CELF2: variants seen among roughly 807,000 people sequenced by gnomAD.
CELF2 encodes the protein CUG triplet repeat RNA-binding protein 2.
In CELF2, 8 loss-of-function variants were observed where a neutral mutation model predicts 62.6. The observed-to-expected ratio is 0.13, with a 90% CI of 0.07 to 0.23. The LOEUF (loss-of-function observed/expected upper bound fraction) is 0.23, where lower values mean the gene tolerates loss of function less well. Ranked by LOEUF, CELF2 falls within the 10% of genes least tolerant of loss-of-function variation. The pLI is 1.00. For missense variants in CELF2, 333 were observed against 671.0 expected, an observed-to-expected ratio of 0.50 and a Z score of 5.56; for synonymous variants, 258 against 250.0, an observed-to-expected ratio of 1.03 and a Z score of -0.30.
chr10:10,715,073 C>G, the CELF2 span, among the ~76,000 whole-genome samples: 4 of 152,050 alleles, frequency 2.6e-5, no homozygotes, highest in Non-Finnish European at 5.9e-5. Context: ...CAGCCATAAC[C>G]AATTGAAGAG....
At chr10:10,468,498 G>A in the CELF2 span, among the ~76,000 whole-genome samples, 1 of 152,100 alleles carries the variant, frequency 6.6e-6, no homozygotes, top group Admixed American at 6.6e-5. Flanking sequence ...TGAAAGCACT[G>A]CTGTTGATTG....
the CELF2 span, among the ~76,000 whole-genome samples, chr10:10,590,525 G>A: frequency 6.6e-6 from 1 of 152,084 alleles, no homozygotes; most frequent in African/African-American, 2.4e-5. Context: ...AATCACACTG[G>A]CTATTCTACC....
rs532569130 is a variant in CELF2, at chr10:11,268,362, T to C, written c.618+1685T>C. On this transcript the variant is annotated intron_variant, in intron 6 of 12. Transcript: ENST00000633077. The surrounding 1 kb of genome is among the most constrained non-coding windows in gnomAD (Gnocchi z 4.7). Reference sequence around the variant, plus strand: ...ATAATTTTGAACCTCAATTCTTCAGTGTTTCTGTTAGAAACATTACGATCC... The same window carrying C: ...ATAATTTTGAACCTCAATTCTTCAGCGTTTCTGTTAGAAACATTACGATCC... Among the ~76,000 whole-genome samples the C allele has an allele frequency of 5.3e-5, 8 of 152,356 alleles. 1 individual carries two copies. In the East Asian group the frequency reaches 1.5e-3, roughly 29 times the overall value.
chr10:11,159,606 A>G lies in CELF2; in HGVS notation c.75-5880A>G, dbSNP rs940064486. ...CTGAGACCTTAGTTGCCCCACTGCC[A>G]GTCTGTTGGGAAGAGATTTCTCTTC... On this transcript the variant is annotated intron_variant, in intron 1 of 12. Coordinates refer to ENST00000633077, the MANE Select transcript of CELF2 (RefSeq NM_001326342.2). The surrounding 1 kb of genome is among the most constrained non-coding windows in gnomAD (Gnocchi z 5.0). Among the ~76,000 whole-genome samples the G allele has an allele frequency of 2.6e-5, 4 of 152,214 alleles. No homozygotes were observed. Among genetic ancestry groups the G allele is most frequent in the Non-Finnish European group, 5.9e-5 (4 of 68,038 alleles).
At chr10:10,790,876 G>T in the CELF2 span, among the ~76,000 whole-genome samples, 7 of 152,012 alleles carry the variant, frequency 4.6e-5, no homozygotes, top group Admixed American at 4.6e-4. Context: ...TTTCTGTAAG[G>T]AATTCAGTAG....
At chr10:10,598,234 A>C in the CELF2 span, among the ~76,000 whole-genome samples, 1 of 152,230 alleles carries the variant, frequency 6.6e-6, no homozygotes, top group Non-Finnish European at 1.5e-5. Flanking sequence ...TGTGTTCTAG[A>C]AACTCAGGTA....
rs2065188481 is a variant in CELF2 at position 11,159,359 on chromosome 10, C to T, written c.75-6127C>T. Among the ~76,000 whole-genome samples the T allele has an allele frequency of 6.6e-6, 1 of 152,200 alleles. No homozygotes were observed. Among genetic ancestry groups the T allele is most frequent in the African/African-American group, 2.4e-5 (1 of 41,450 alleles). Reference sequence around the variant, plus strand: ...AGAAAGGTGGCAAACTCTGCCCTGCCGAAAGGCAGTCATGGAAGACAGACG... The same window carrying T: ...AGAAAGGTGGCAAACTCTGCCCTGCTGAAAGGCAGTCATGGAAGACAGACG... On this transcript the variant is annotated intron_variant, in intron 1 of 12. Transcript: ENST00000633077. This position sits in a 1 kb window ranked among gnomAD's most constrained non-coding sequence, Gnocchi z 5.0.
chr10:11,309,897 G>A lies in CELF2; in HGVS notation c.977-4242G>A, dbSNP rs554967361. 7.9e-5 allele frequency among the ~76,000 whole-genome samples: 12 copies of A among 152,218 alleles called. No homozygotes were observed. Among genetic ancestry groups the A allele is most frequent in the Non-Finnish European group, 1.6e-4 (11 of 68,044 alleles). The stretch of plus-strand genomic sequence containing the variant: ...AGTTATCCTTAGGGGAAGTTACAGA[G>A]CCCTTTGTTCTTGTGACCTGTCTCT... On this transcript the variant is annotated intron_variant, in intron 9 of 12. Coordinates refer to ENST00000633077, the MANE Select transcript of CELF2 (RefSeq NM_001326342.2). The surrounding 1 kb of genome is among the most constrained non-coding windows in gnomAD (Gnocchi z 5.6).
chr10:11,214,603 C>T lies in CELF2; in HGVS notation c.272-2822C>T, dbSNP rs2062800640. ...GGCACAAAGGCTCCAGGCTTCCCTGCCAAACGCGGCGCCTGTGGAGCTGTG... is the reference window on the plus strand; with the variant it reads ...GGCACAAAGGCTCCAGGCTTCCCTGTCAAACGCGGCGCCTGTGGAGCTGTG... On this transcript the variant is annotated intron_variant, in intron 2 of 12. Coordinates refer to ENST00000633077, the MANE Select transcript of CELF2 (RefSeq NM_001326342.2). The surrounding 1 kb of genome is among the most constrained non-coding windows in gnomAD (Gnocchi z 4.2). Among the ~76,000 whole-genome samples the T allele has an allele frequency of 6.6e-6, 1 of 152,200 alleles. No individual in the cohort carries two copies. The highest frequency in any genetic ancestry group is 2.1e-4 in the South Asian group (1 of 4,824).
chr10:10,622,662 TAAAAC>T, the CELF2 span, among the ~76,000 whole-genome samples: 9 of 150,862 alleles, frequency 6.0e-5, no homozygotes, highest in South Asian at 2.1e-4. Flanking sequence ...GTCCAAAAAA[TAAAAC>T]AAAATAAAGC....
chr10:11,258,541 A>C (rs999838482), intron 5 of CELF2, among the ~76,000 whole-genome samples: 4 of 152,154 alleles, frequency 2.6e-5, no homozygotes, highest in African/African-American at 9.7e-5. Flanking sequence ...GTGTTTACAG[A>C]ATAGTTGGAA....
chr10:10,897,034 G>A (rs1441808153), intron 1 of CELF2, among the ~76,000 whole-genome samples: 1 of 152,124 alleles, frequency 6.6e-6, no homozygotes, highest in Non-Finnish European at 1.5e-5. Flanking sequence ...AATGGGTAAA[G>A]GCTGGAAGAA....
chr10:10,877,416 C>T (rs898568780), intron 1 of CELF2, among the ~76,000 whole-genome samples: 2 of 152,182 alleles, frequency 1.3e-5, no homozygotes, highest in Admixed American at 6.5e-5. Context: ...GGCAGGACAA[C>T]GAGAAGTGGG....
chr10:10,522,626 A>G, the CELF2 span, among the ~76,000 whole-genome samples: 1 of 152,156 alleles, frequency 6.6e-6, no homozygotes, highest in African/African-American at 2.4e-5. Context: ...CTGGAATGCA[A>G]TGGCGCAATC....
chr10:10,892,802 G>A (rs11256890), intron 1 of CELF2, among the ~76,000 whole-genome samples: 8,240 of 152,122 alleles, frequency 0.054, 434 homozygotes, highest in South Asian at 0.22. Flanking sequence ...GAAGGCATTG[G>A]GTATTGACAT....
At chr10:11,292,331 C>T (rs752657890) in intron 9 of CELF2, among the ~76,000 whole-genome samples, 27 of 152,236 alleles carry the variant, frequency 1.8e-4, no homozygotes, top group Non-Finnish European at 3.7e-4. Context: ...GACTGATAGA[C>T]GGTGACTGTT....
At chr10:11,044,630 A>G (rs957790997) in intron 1 of CELF2, among the ~76,000 whole-genome samples, 1 of 152,180 alleles carries the variant, frequency 6.6e-6, no homozygotes, top group East Asian at 1.9e-4. Flanking sequence ...TTATTACTCA[A>G]TCTGGTTTTA....
chr10:10,575,406 G>A, the CELF2 span, among the ~76,000 whole-genome samples: 2 of 152,162 alleles, frequency 1.3e-5, no homozygotes, highest in African/African-American at 4.8e-5. Context: ...CACAAAACTT[G>A]CTCTATGTTG....
At chr10:10,613,941 G>T in the CELF2 span, among the ~76,000 whole-genome samples, 1 of 152,118 alleles carries the variant, frequency 6.6e-6, no homozygotes, top group Admixed American at 6.5e-5. Context: ...TTGGAAACAA[G>T]GGCTGGATTT....
Sources: allele counts gnomAD v4.1 joint callset (sites outside exome capture counted in the v4.1 genomes callset), GRCh38; gene constraint gnomAD v4.1.1; non-coding constraint Gnocchi (gnomAD v3.1); transcripts MANE v1.5; gene names NCBI Gene and HGNC (gene_info 2026-07-23, HGNC 2026-07-21).